The following HDX variants were observed in gnomAD, a reference collection of about 807,000 sequenced individuals.
The protein encoded by HDX is highly divergent homeobox.
In HDX, 19 loss-of-function variants were observed where a neutral mutation model predicts 45.2. That is an observed-to-expected ratio of 0.42 (90% CI 0.29 to 0.62). HDX has a LOEUF of 0.62. HDX is among the 20% of genes least tolerant of loss of function. HDX has a pLI of 0.20. For missense variants in HDX, 532 were observed against 493.9 expected, an observed-to-expected ratio of 1.08 and a Z score of -0.73; for synonymous variants, 188 against 172.8, an observed-to-expected ratio of 1.09 and a Z score of -0.69.
chrX:84,357,600 A>ATCT (rs1399808785), intron 6 of HDX, among the ~76,000 whole-genome samples: 1 of 111,867 alleles, frequency 8.9e-6, no homozygotes, highest in Non-Finnish European at 1.9e-5. Context: ...CAATGAGGAA[A>ATCT]TCTTAAAGAG....
intron 5 of HDX, among the ~76,000 whole-genome samples, chrX:84,410,530 G>T (rs1346488687): frequency 8.9e-6 from 1 of 111,788 alleles, no homozygotes; most frequent in African/African-American, 3.3e-5. Flanking sequence ...GATGGGGGAA[G>T]ATTAGCTTTT....
At chrX:84,410,062 TA>T (rs1215257762) in intron 5 of HDX, among the ~76,000 whole-genome samples, 25,184 of 74,425 alleles carry the variant, frequency 0.34, 4,081 homozygotes, top group East Asian at 0.61. Flanking sequence ...CAAAAAAGAT[TA>T]AAAAAAAAAA....
chrX:84,474,542 GCTAAT>G (rs2148152690), intron 3 of HDX, among the ~76,000 whole-genome samples: 1 of 111,624 alleles, frequency 9.0e-6, no homozygotes, highest in Non-Finnish European at 1.9e-5. Context: ...GGAGAAAGTT[GCTAAT>G]CTTTCAATCA....
chrX:84,440,356 G>T, intron 5 of HDX, 176 bp downstream of exon 5: 1 of 411,232 alleles, frequency 2.4e-6, no homozygotes, highest in Non-Finnish European at 4.2e-6. Context: ...TTATAATTAA[G>T]ATTACATTTG....
chrX:84,432,817 C>A (rs756314609), intron 5 of HDX, among the ~76,000 whole-genome samples: 1 of 110,576 alleles, frequency 9.0e-6, no homozygotes, highest in Admixed American at 9.7e-5. Context: ...GTTTTTATTT[C>A]TTTCTCTTTC....
intron 1 of HDX, among the ~76,000 whole-genome samples, chrX:84,501,918 G>C (rs1456373369): frequency 9.0e-6 from 1 of 111,635 alleles, no homozygotes; most frequent in African/African-American, 3.3e-5. Context: ...TAATGCGCAG[G>C]CGCTACGCTC....
chrX:84,469,881 A>G (rs2040423973), intron 3 of HDX, among the ~76,000 whole-genome samples: 1 of 111,981 alleles, frequency 8.9e-6, no homozygotes, highest in African/African-American at 3.2e-5. Context: ...CATAGTAAAT[A>G]CATTTGTGGT....
At chrX:84,424,402 T>A (rs1168068671) in intron 5 of HDX, among the ~76,000 whole-genome samples, 1 of 110,337 alleles carries the variant, frequency 9.1e-6, no homozygotes, top group Non-Finnish European at 1.9e-5. Flanking sequence ...CAATAAAGAT[T>A]CAATGCGATC....
At position 84,469,547 on chromosome X, in the gene HDX, A is replaced by G. The variant is rs1569362658; in HGVS notation, c.176T>C (p.Met59Thr). The G allele has an allele frequency of 2.5e-6, 3 of 1,192,636 alleles. No homozygotes were observed. The highest frequency in any genetic ancestry group is 3.4e-6 in the Non-Finnish European group (3 of 884,999). Residue 59 changes from methionine to threonine, a missense_variant, in exon 4 of 11, where the codon ATG becomes ACG. By Grantham distance (81) the Met-to-Thr change is moderately conservative (BLOSUM62 -1). Around this residue, in one of 3 missense-constraint regions of HDX, gnomAD observed 376 missense variants for 343.7 expected, o/e 1.09. Transcript: ENST00000373177. The stretch of plus-strand genomic sequence containing the variant: ...TCCAGATTCAGAGTTCTTACTACTC[A>G]TCTTTCTTCTCTTATTGCCAACCCA... Reference protein sequence around the residue: ...RTWVGNKRRKMSSKNSESGTA... With the variant: ...RTWVGNKRRKTSSKNSESGTA...
chrX:84,330,196 A>G (rs2036816407), intron 9 of HDX, among the ~76,000 whole-genome samples: 1 of 111,448 alleles, frequency 9.0e-6, no homozygotes, highest in Non-Finnish European at 1.9e-5. Flanking sequence ...TCAGTTTACC[A>G]TTAAAAAGTA....
chrX:84,394,999 A>G (rs777356997), intron 5 of HDX, among the ~76,000 whole-genome samples: 47 of 111,256 alleles, frequency 4.2e-4, no homozygotes, highest in African/African-American at 1.5e-3. Context: ...AATTAAGGTT[A>G]TTATTGCTAT....
intron 4 of HDX, among the ~76,000 whole-genome samples, chrX:84,440,956 G>A (rs769221738): frequency 1.0e-3 from 114 of 110,892 alleles, no homozygotes; most frequent in Non-Finnish European, 1.8e-3. Flanking sequence ...GTAGGCCCCC[G>A]TATCCACAGA....
chrX:84,461,916 G>C (rs1251062999), intron 4 of HDX, among the ~76,000 whole-genome samples: 1 of 112,133 alleles, frequency 8.9e-6, no homozygotes, highest in Admixed American at 9.4e-5. Flanking sequence ...CATATGAAAA[G>C]GTTCTCCACA....
At chrX:84,373,278 A>G (rs2037946280) in intron 5 of HDX, among the ~76,000 whole-genome samples, 2 of 111,209 alleles carry the variant, frequency 1.8e-5, no homozygotes, top group Admixed American at 9.7e-5. Context: ...CTATCCATGT[A>G]TGGAAACACA....
chrX:84,419,245 T>C (rs2039191078), intron 5 of HDX, among the ~76,000 whole-genome samples: 1 of 110,378 alleles, frequency 9.1e-6, no homozygotes, highest in Admixed American at 9.6e-5. Context: ...GGTCCATGAT[T>C]CCAGAACTGG....
chrX:84,359,628 T>C (rs1188150205), intron 6 of HDX, among the ~76,000 whole-genome samples: 2 of 111,888 alleles, frequency 1.8e-5, no homozygotes, highest in Admixed American at 9.6e-5. Context: ...GTCCTTGCTA[T>C]TGTGAATACT....
chrX:84,353,445 A>C (rs1054523245), intron 6 of HDX, among the ~76,000 whole-genome samples: 1 of 111,394 alleles, frequency 9.0e-6, no homozygotes, highest in African/African-American at 3.3e-5. Context: ...CTGCCATGAG[A>C]GGTTACAGCA....
intron 4 of HDX, among the ~76,000 whole-genome samples, chrX:84,449,451 TC>T (rs2039948742): frequency 9.0e-6 from 1 of 111,558 alleles, no homozygotes; most frequent in South Asian, 3.7e-4. Flanking sequence ...AAAACCCACA[TC>T]AGACTAACAC....
At position 84,443,138 on chromosome X, in the gene HDX, C is replaced by T. The variant is rs2039798514; in HGVS notation, c.1252-2553G>A. Among the ~76,000 whole-genome samples the T allele has an allele frequency of 2.7e-5, 3 of 111,629 alleles. No individual in the cohort carries two copies. The Admixed American group carries it at 2.9e-4, about 11-fold the overall frequency. On this transcript the variant is annotated intron_variant, in intron 4 of 10. Coordinates refer to ENST00000373177, the MANE Select transcript of HDX (RefSeq NM_001177479.2). Reference sequence around the variant, plus strand: ...CTCAAATGTTATATTTAACTAATCTCTCACGTTTACTTCAAATCCATTGTT... The same window carrying T: ...CTCAAATGTTATATTTAACTAATCTTTCACGTTTACTTCAAATCCATTGTT...
Sources: gnomAD v4.1 joint callset for allele counts (sites outside exome capture counted in the v4.1 genomes callset) on GRCh38, gnomAD v4.1.1 for gene constraint, gnomAD v4.1.1 regional missense constraint, MANE v1.5 for transcripts, NCBI Gene and HGNC (gene_info 2026-07-23, HGNC 2026-07-21) for gene names.